The following SCP2 variants were observed in gnomAD, a reference collection of about 807,000 sequenced individuals.
The protein encoded by SCP2 is SCP-2/3-oxoacyl-CoA thiolase.
A neutral mutation model predicts 71.4 loss-of-function variants in SCP2; 48 were observed. That is an observed-to-expected ratio of 0.67 (90% CI 0.53 to 0.86). The LOEUF (loss-of-function observed/expected upper bound fraction) is 0.86. Among genes scored for constraint, SCP2 ranks in the 40% least tolerant of loss-of-function variants. The probability of loss-of-function intolerance (pLI) is 0.00; values close to 1 mark genes in which losing one functional copy is unlikely to be tolerated. For synonymous variants in SCP2, 220 were observed against 218.1 expected, an observed-to-expected ratio of 1.01 and a Z score of -0.08; for missense variants, 560 against 655.6, an observed-to-expected ratio of 0.85 and a Z score of 1.59.
chr1:52,982,323 C>T (rs746475401), intron 10 of SCP2, among the ~76,000 whole-genome samples: 1 of 152,200 alleles, frequency 6.6e-6, no homozygotes, highest in East Asian at 1.9e-4. Context: ...ATAATCCCAG[C>T]ACTTTGGGAG....
chr1:52,999,812 C>CTTTTTTTTT (rs1557598899), intron 11 of SCP2, among the ~76,000 whole-genome samples: 16 of 119,912 alleles, frequency 1.3e-4, no homozygotes, highest in African/African-American at 5.5e-4. Context: ...TTACTGAACA[C>CTTTTTTTTT]TTGTTTTTTT....
chr1:53,007,974 A>G (rs941376197), intron 11 of SCP2, among the ~76,000 whole-genome samples: 3 of 152,222 alleles, frequency 2.0e-5, no homozygotes, highest in Admixed American at 2.0e-4. Flanking sequence ...AGAAATACAA[A>G]CTACCATCAG....
intron 11 of SCP2, among the ~76,000 whole-genome samples, chr1:53,009,094 G>A (rs1660821072): frequency 6.6e-6 from 1 of 152,110 alleles, no homozygotes; most frequent in Non-Finnish European, 1.5e-5. Context: ...CCTTCAAGGA[G>A]AACTACAAAC....
intron 6 of SCP2, among the ~76,000 whole-genome samples, chr1:52,972,003 TAGG>T (rs1415417367): frequency 1.3e-5 from 2 of 152,108 alleles, no homozygotes; most frequent in Non-Finnish European, 2.9e-5. Flanking sequence ...GACAGGAGGG[TAGG>T]AGAAGGTCAG....
intron 2 of SCP2, 113 bp downstream of exon 2, chr1:52,941,966 G>T (rs1357749283): frequency 4.0e-6 from 3 of 748,410 alleles, no homozygotes; most frequent in Admixed American, 2.0e-5. Context: ...CAAGGGAGAA[G>T]AACCCGTACA....
At chr1:52,930,482 T>G (rs147248897) in intron 1 of SCP2, among the ~76,000 whole-genome samples, 1 of 152,082 alleles carries the variant, frequency 6.6e-6, no homozygotes, top group African/African-American at 2.4e-5. Context: ...AAAAATTAGC[T>G]GGGCTTAGTG....
At chr1:53,018,513 G>A (rs2150232841) in intron 12 of SCP2, among the ~76,000 whole-genome samples, 2 of 152,178 alleles carry the variant, frequency 1.3e-5, no homozygotes, top group East Asian at 3.9e-4. Context: ...AGGCTGAGGC[G>A]AGTGGATGGC....
intron 11 of SCP2, among the ~76,000 whole-genome samples, chr1:52,997,872 CAATCCTCTG>C (rs1660042317): frequency 6.6e-6 from 1 of 152,194 alleles, no homozygotes; most frequent in South Asian, 2.1e-4. Context: ...TATTTCCAGT[CAATCCTCTG>C]GCCTCCCTGA....
chr1:52,968,903 T>G (rs531286452), intron 6 of SCP2, among the ~76,000 whole-genome samples: 19 of 152,244 alleles, frequency 1.2e-4, no homozygotes, highest in African/African-American at 4.3e-4. Context: ...TTACATATAT[T>G]ATACACTATG....
At chr1:52,963,152 C>T (rs1656629918) in intron 6 of SCP2, among the ~76,000 whole-genome samples, 2 of 152,008 alleles carry the variant, frequency 1.3e-5, no homozygotes, top group African/African-American at 4.8e-5. Flanking sequence ...AAGTAGTCCC[C>T]TCCTGTTATC....
intron 6 of SCP2, among the ~76,000 whole-genome samples, chr1:52,964,891 G>A (rs977494058): frequency 1.3e-5 from 2 of 152,192 alleles, no homozygotes; most frequent in Middle Eastern, 3.4e-3. Context: ...GTGCACACCT[G>A]TAGTCCCAGC....
intron 10 of SCP2, among the ~76,000 whole-genome samples, chr1:52,987,381 C>T (rs940634891): frequency 7.9e-5 from 12 of 152,130 alleles, no homozygotes; most frequent in Non-Finnish European, 1.3e-4. Flanking sequence ...TTATTTGGAG[C>T]GTCCACATCT....
At chr1:52,973,667 G>A (rs1406122409) in intron 6 of SCP2, among the ~76,000 whole-genome samples, 1 of 152,066 alleles carries the variant, frequency 6.6e-6, no homozygotes, top group Non-Finnish European at 1.5e-5. Context: ...TCCGTCTTCC[G>A]GGTTCAAGTG....
chr1:52,975,341 T>G (rs542832529), intron 7 of SCP2, among the ~76,000 whole-genome samples: 8 of 152,260 alleles, frequency 5.3e-5, no homozygotes, highest in Non-Finnish European at 7.4e-5. Context: ...CCACAGCACC[T>G]GGCTAATTTT....
At chr1:53,021,356 G>A (rs1243268788) in intron 12 of SCP2, among the ~76,000 whole-genome samples, 25 of 132,534 alleles carry the variant, frequency 1.9e-4, no homozygotes, top group African/African-American at 5.8e-4. Context: ...TTGCTCTGTC[G>A]CCCAGGCTGG....
intron 6 of SCP2, among the ~76,000 whole-genome samples, chr1:52,970,345 G>A (rs1272387676): frequency 6.6e-6 from 1 of 152,074 alleles, no homozygotes; most frequent in Non-Finnish European, 1.5e-5. Flanking sequence ...AAACCCCTGG[G>A]CTCAGGCAAT....
At chr1:53,045,394 A>G (rs1023651883) in intron 14 of SCP2, among the ~76,000 whole-genome samples, 6 of 152,258 alleles carry the variant, frequency 3.9e-5, no homozygotes, top group Middle Eastern at 6.8e-3. Context: ...GCGTGTGGCA[A>G]TAGTTTGTGT....
At chr1:52,978,798 G>T (rs975578180) in intron 9 of SCP2, among the ~76,000 whole-genome samples, 1 of 152,058 alleles carries the variant, frequency 6.6e-6, no homozygotes, top group Non-Finnish European at 1.5e-5. Context: ...CCTGGCTCAA[G>T]TGATCCACCT....
At chr1:53,016,579 T>G (rs1410753854) in intron 12 of SCP2, among the ~76,000 whole-genome samples, 3 of 152,120 alleles carry the variant, frequency 2.0e-5, no homozygotes, top group Non-Finnish European at 4.4e-5. Flanking sequence ...AAATTTGAAC[T>G]GAGATGACTA....
Sources: allele counts gnomAD v4.1 joint callset (sites outside exome capture counted in the v4.1 genomes callset), GRCh38; gene constraint gnomAD v4.1.1; transcripts MANE v1.5; gene names NCBI Gene and HGNC (gene_info 2026-07-23, HGNC 2026-07-21).